Variants in ERC2 observed in about 807,000 individuals in gnomAD.
ERC2 encodes the protein ELKS/RAB6-interacting/CAST family member 2, also known as ERC protein 2.
A neutral mutation model predicts 114.8 loss-of-function variants in ERC2; 42 were observed. That is an observed-to-expected ratio of 0.37 (90% CI 0.29 to 0.47). The LOEUF (loss-of-function observed/expected upper bound fraction) is 0.47, where lower values mean the gene tolerates loss of function less well. ERC2 is among the 20% of genes least tolerant of loss of function. ERC2 has a pLI of 0.99. For missense variants in ERC2, 939 were observed against 1,150.7 expected (o/e 0.82, Z 2.66); for synonymous variants, 454 against 425.5 (o/e 1.07, Z -0.82).
At chr3:56,035,347 A>G (rs1177113032) in intron 7 of ERC2, among the ~76,000 whole-genome samples, 2 of 152,230 alleles carry the variant, frequency 1.3e-5, no homozygotes, top group Non-Finnish European at 2.9e-5. Context: ...CCCACAAAGA[A>G]AAGCCCAGAA....
At chr3:56,062,981 A>G (rs1402567449) in intron 7 of ERC2, among the ~76,000 whole-genome samples, 1 of 152,216 alleles carries the variant, frequency 6.6e-6, no homozygotes, top group Admixed American at 6.5e-5. Flanking sequence ...GTTATGACAG[A>G]GATTGTTTCA....
intron 17 of ERC2, among the ~76,000 whole-genome samples, chr3:55,575,683 T>A (rs938044399): frequency 8.5e-5 from 13 of 152,320 alleles, no homozygotes; most frequent in African/African-American, 3.1e-4. Context: ...TAGGTTGCCC[T>A]GGCTCCAGGC....
intron 15 of ERC2, among the ~76,000 whole-genome samples, chr3:55,733,526 A>C (rs1460453883): frequency 3.2e-5 from 1 of 30,824 alleles, no homozygotes; most frequent in African/African-American, 9.9e-5. Flanking sequence ...TCTGTCTCTC[A>C]TTCTTTCTCT....
intron 14 of ERC2, among the ~76,000 whole-genome samples, chr3:55,822,471 C>T (rs1242327045): frequency 6.6e-6 from 1 of 152,102 alleles, no homozygotes; most frequent in East Asian, 1.9e-4. Flanking sequence ...CGGTGACCCA[C>T]TCAGTGAGCA....
intron 17 of ERC2, among the ~76,000 whole-genome samples, chr3:55,513,951 A>G (rs2052302510): frequency 6.6e-6 from 1 of 152,146 alleles, no homozygotes; most frequent in Admixed American, 6.6e-5. Flanking sequence ...TTTAGAGAGT[A>G]CCTCAGGTAG....
chr3:56,316,504 T>G (rs1384329196), intron 2 of ERC2, among the ~76,000 whole-genome samples: 1 of 152,192 alleles, frequency 6.6e-6, no homozygotes, highest in African/African-American at 2.4e-5. Flanking sequence ...TCTACCACTG[T>G]TAATCTCTGT....
At chr3:55,890,973 T>A (rs985085277) in intron 13 of ERC2, among the ~76,000 whole-genome samples, 4 of 152,238 alleles carry the variant, frequency 2.6e-5, no homozygotes, top group Non-Finnish European at 5.9e-5. Flanking sequence ...GGCCATGGGT[T>A]CTTCCTGTGT....
chr3:56,053,986 G>A (rs1333576921), intron 7 of ERC2, among the ~76,000 whole-genome samples: 1 of 152,124 alleles, frequency 6.6e-6, no homozygotes, highest in African/African-American at 2.4e-5. Context: ...CGAATAGGCT[G>A]AGATCATTTA....
intron 17 of ERC2, among the ~76,000 whole-genome samples, chr3:55,555,062 G>A (rs1024069191): frequency 4.6e-5 from 7 of 152,078 alleles, no homozygotes; most frequent in South Asian, 2.1e-4. Flanking sequence ...AGTCAGCACC[G>A]AGAGCAGTGG....
chr3:55,995,126 A>C (rs2071406664), intron 10 of ERC2, among the ~76,000 whole-genome samples: 1 of 152,176 alleles, frequency 6.6e-6, no homozygotes, highest in Non-Finnish European at 1.5e-5. Context: ...CAAGGTCAAG[A>C]GATCGAGACC....
intron 12 of ERC2, among the ~76,000 whole-genome samples, chr3:55,963,046 G>C (rs2068500593): frequency 6.6e-6 from 1 of 152,204 alleles, no homozygotes; most frequent in Non-Finnish European, 1.5e-5. Flanking sequence ...GGGAACATTA[G>C]CTTTCCACCA....
intron 2 of ERC2, among the ~76,000 whole-genome samples, chr3:56,399,459 A>G (rs2060439833): frequency 6.6e-6 from 1 of 152,218 alleles, no homozygotes; most frequent in South Asian, 2.1e-4. Context: ...AACCAAGCTG[A>G]AAATCTCAAT....
At chr3:56,064,121 A>C (rs2149712712) in intron 7 of ERC2, among the ~76,000 whole-genome samples, 1 of 152,346 alleles carries the variant, frequency 6.6e-6, no homozygotes, top group South Asian at 2.1e-4. Flanking sequence ...TCCTAGGTAA[A>C]GAATCAATAG....
chr3:56,288,423 T>TG (rs1386445097), intron 3 of ERC2, among the ~76,000 whole-genome samples: 1 of 152,152 alleles, frequency 6.6e-6, no homozygotes, highest in Non-Finnish European at 1.5e-5. Flanking sequence ...CCCCCAACCC[T>TG]GTCACTTTCT....
intron 17 of ERC2, among the ~76,000 whole-genome samples, chr3:55,597,631 T>C (rs193005131): frequency 7.2e-5 from 11 of 152,282 alleles, no homozygotes; most frequent in African/African-American, 2.4e-4. Context: ...TGCAACTTAC[T>C]AGTTTCTGAA....
At chr3:56,155,173 C>T (rs771519773) in intron 4 of ERC2, among the ~76,000 whole-genome samples, 12 of 152,198 alleles carry the variant, frequency 7.9e-5, no homozygotes, top group Non-Finnish European at 1.8e-4. Flanking sequence ...TTCGCAACAT[C>T]CCCATGGTTT....
chr3:55,633,229 G>A (rs2148632195), intron 17 of ERC2, among the ~76,000 whole-genome samples: 1 of 152,284 alleles, frequency 6.6e-6, no homozygotes, highest in East Asian at 1.9e-4. Context: ...TAAGGACCTA[G>A]GAACACCCCC....
chr3:55,508,416 A>G lies in ERC2; in HGVS notation c.*2900T>C, dbSNP rs1461959503. ...TTTATGAACTGTACATACCTTGTAC[A>G]TTGTTCTACTAGACACGAGGTTACA... On this transcript the variant is annotated 3_prime_UTR_variant, in exon 18 of 18. Coordinates refer to ENST00000288221, the MANE Select transcript of ERC2 (RefSeq NM_015576.3). The G allele has an allele frequency of 6.6e-6, 1 of 152,670 alleles. No individual in the cohort carries two copies. Among genetic ancestry groups the G allele is most frequent in the Non-Finnish European group, 1.5e-5 (1 of 68,042 alleles). The allele number at this position is 152,670 out of a possible 1,614,324, so 9.5% of individuals were successfully genotyped here. A position where few individuals can be genotyped will look rare whatever the true frequency, so the allele number is the denominator to read the frequency against.
At chr3:56,052,343 A>T (rs1263713587) in intron 7 of ERC2, among the ~76,000 whole-genome samples, 1 of 152,234 alleles carries the variant, frequency 6.6e-6, no homozygotes, top group Non-Finnish European at 1.5e-5. Flanking sequence ...ATAGAGAGCC[A>T]GTATTACGGG....
Sources: gnomAD v4.1 joint callset for allele counts (sites outside exome capture counted in the v4.1 genomes callset) on GRCh38, gnomAD v4.1.1 for gene constraint, MANE v1.5 for transcripts, NCBI Gene and HGNC (gene_info 2026-07-23, HGNC 2026-07-21) for gene names.